Variants in HIVEP2 observed in about 807,000 individuals in gnomAD.
HIVEP2 encodes the protein HIVEP zinc finger 2.
A neutral mutation model predicts 180.7 loss-of-function variants in HIVEP2; 14 were observed. The observed-to-expected ratio is 0.08, with a 90% CI of 0.05 to 0.12. HIVEP2 has a LOEUF of 0.12. Among genes scored for constraint, HIVEP2 ranks in the 10% least tolerant of loss-of-function variants. HIVEP2 has a pLI of 1.00. For synonymous variants in HIVEP2, 1,184 were observed against 1,136.4 expected, an observed-to-expected ratio of 1.04 and a Z score of -0.84; for missense variants, 2,579 against 3,008.5, an observed-to-expected ratio of 0.86 and a Z score of 3.34.
intron 2 of HIVEP2, among the ~76,000 whole-genome samples, chr6:142,793,675 C>CTA (rs60365543): frequency 8.1e-6 from 1 of 122,828 alleles, no homozygotes; most frequent in Non-Finnish European, 1.7e-5. Context: ...TTCTTTCTTT[C>CTA]TCTCTCTCTC....
At position 142,753,827 on chromosome 6, in the gene HIVEP2, A is replaced by G. The variant is rs369320686; in HGVS notation, c.6621T>C (p.Asn2207=). 1.2e-5 allele frequency: 19 copies of G among 1,614,020 alleles called. No homozygotes were observed. In the African/African-American group the frequency reaches 2.5e-4, roughly 22 times the overall value. ...GTGGAAGATGACTGAAGACATAGTC[A>G]TTAGGACCCTCAGGGAAAAGGCTGG... The part of the protein sequence containing the change: ...PGSSLFPEGP[N]DYVFSHLPLH... Residue 2207 remains asparagine (N), a synonymous_variant, in exon 10 of 10, where the codon AAT becomes AAC. Coordinates refer to ENST00000367603, the MANE Select transcript of HIVEP2 (RefSeq NM_006734.4).
At position 142,917,899 on chromosome 6, in the gene HIVEP2, T is replaced by C. The variant is rs903655996; in HGVS notation, c.-641+27200A>G. Among the ~76,000 whole-genome samples the C allele has an allele frequency of 2.0e-5, 3 of 152,086 alleles. No individual in the cohort carries two copies. In the East Asian group the frequency reaches 5.8e-4, roughly 29 times the overall value. On this transcript the variant is annotated intron_variant, in intron 1 of 9. Coordinates refer to ENST00000367603, the MANE Select transcript of HIVEP2 (RefSeq NM_006734.4). ...CAAGCAGTTCTCCTGCTTCAGCCTC[T>C]CGAGTAGCTGGGATTACAGGCATGC...
chr6:142,864,392 A>T (rs1465371360), intron 1 of HIVEP2, among the ~76,000 whole-genome samples: 1 of 152,222 alleles, frequency 6.6e-6, no homozygotes, highest in Non-Finnish European at 1.5e-5. Flanking sequence ...CTTATCACTC[A>T]GAATGAAGTT....
chr6:142,837,777 TAACTA>T (rs1203842428), intron 1 of HIVEP2, among the ~76,000 whole-genome samples: 6 of 152,036 alleles, frequency 3.9e-5, no homozygotes, highest in African/African-American at 7.2e-5. Flanking sequence ...AGCATTAACT[TAACTA>T]GAGAGAGAGC....
intron 1 of HIVEP2, among the ~76,000 whole-genome samples, chr6:142,877,891 G>A (rs1212412637): frequency 6.6e-6 from 1 of 152,156 alleles, no homozygotes; most frequent in African/African-American, 2.4e-5. Flanking sequence ...TTAGAAAGAT[G>A]TATTGCTTGA....
Position 142,770,673 on chromosome 6 carries a change from T to A in HIVEP2, c.4066A>T (p.Ile1356Leu). 6.2e-7 allele frequency: 1 copy of A among 1,614,208 alleles called. No homozygotes were observed. The highest frequency in any genetic ancestry group is 8.5e-7 in the Non-Finnish European group (1 of 1,180,040). Reference protein sequence around the residue: ...GSVMYTSISQILGQNSPAIVI... With the variant: ...GSVMYTSISQLLGQNSPAIVI... ...ATGGCAGGGCTATTCTGCCCAAGTA[T>A]CTGAGAAATGCTTGTGTACATGACA... The change falls in exon 5 of 10, where the codon ATA (isoleucine) becomes TTA (leucine). Residue 1356 changes from isoleucine (I) to leucine (L), a missense_variant. Physicochemically the swap from Ile to Leu is conservative, Grantham distance 5. Coordinates refer to ENST00000367603, the MANE Select transcript of HIVEP2 (RefSeq NM_006734.4). This position sits in a 1 kb window ranked among gnomAD's most constrained non-coding sequence, Gnocchi z 4.7.
rs1218656187 is a variant in HIVEP2, at chr6:142,919,919, G to C, written c.-641+25180C>G. On this transcript the variant is annotated intron_variant, in intron 1 of 9. Transcript: ENST00000367603. ...ATTAGTCCTCAAAGGAGGCAGAAAT[G>C]TTAACCTATTCAAAGGATGTAACAA... Among the ~76,000 whole-genome samples the C allele has an allele frequency of 3.3e-5, 5 of 152,336 alleles. No individual in the cohort carries two copies. In the East Asian group the frequency reaches 5.8e-4, roughly 18 times the overall value.
intron 1 of HIVEP2, among the ~76,000 whole-genome samples, chr6:142,841,745 G>A (rs1775370505): frequency 6.6e-6 from 1 of 151,920 alleles, no homozygotes; most frequent in South Asian, 2.1e-4. Context: ...TAAAAAAATT[G>A]CATATTATTA....
chr6:142,812,129 C>T (rs540611338), intron 2 of HIVEP2, among the ~76,000 whole-genome samples: 4 of 152,142 alleles, frequency 2.6e-5, no homozygotes, highest in African/African-American at 4.8e-5. Context: ...TCCAGGGAGC[C>T]GAAGATGGTT....
intron 1 of HIVEP2, among the ~76,000 whole-genome samples, chr6:142,863,230 T>C (rs1776051775): frequency 6.6e-6 from 1 of 151,060 alleles, no homozygotes; most frequent in Non-Finnish European, 1.5e-5. Context: ...CACCACAAAA[T>C]TTAATATAAA....
chr6:142,844,165 G>GT (rs925044395), intron 1 of HIVEP2, among the ~76,000 whole-genome samples: 18 of 151,610 alleles, frequency 1.2e-4, no homozygotes, highest in Admixed American at 5.9e-4. Flanking sequence ...TACCTTATGT[G>GT]TTTTTTTTAA....
At chr6:142,789,246 T>C (rs558328969) in intron 2 of HIVEP2, among the ~76,000 whole-genome samples, 1 of 152,364 alleles carries the variant, frequency 6.6e-6, no homozygotes, top group African/African-American at 2.4e-5. Flanking sequence ...AATCTTCCTT[T>C]GATGGTTCAG....
Position 142,770,193 on chromosome 6 carries a change from A to C in HIVEP2, c.4546T>G (p.Ser1516Ala). 6.2e-7 allele frequency: 1 copy of C among 1,614,196 alleles called. No homozygotes were observed. The highest frequency in any genetic ancestry group is 8.5e-7 in the Non-Finnish European group (1 of 1,180,040). ...DGLQSGSSSF[S>A]SLSPSSSQDY... ...TGAGATGAGGAGGGCGACAGCGAGG[A>C]GAAGGAAGATGACCCTGACTGCAAG... The change falls in exon 5 of 10, where the codon TCC becomes GCC. Residue 1516 changes from serine (S) to alanine (A), a missense_variant. By Grantham distance (99) the Ser-to-Ala change is moderately conservative. Coordinates refer to ENST00000367603, the MANE Select transcript of HIVEP2 (RefSeq NM_006734.4). This position sits in a 1 kb window ranked among gnomAD's most constrained non-coding sequence, Gnocchi z 4.7.
In HIVEP2 at chr6:142,753,970, T is replaced by C. The variant is rs1383774794; in HGVS notation, c.6517-39A>G. 8 of 1,087,224 alleles carry C rather than the reference T, an allele frequency of 7.4e-6. No homozygotes were observed. The Admixed American group carries it at 8.4e-5, about 11-fold the overall frequency. 67.3% of individuals were successfully genotyped at this position (1,087,224 alleles called of 1,614,324 possible). On this transcript the variant is annotated intron_variant, in intron 9 of 9. Coordinates refer to ENST00000367603, the MANE Select transcript of HIVEP2 (RefSeq NM_006734.4). ...CAAAGAGAGCACAAAATTCAGAGCC[T>C]GCTACGCTTCATTCTTAGGTCAAGC...
At chr6:142,799,233 T>C (rs1776350966) in intron 2 of HIVEP2, among the ~76,000 whole-genome samples, 1 of 152,198 alleles carries the variant, frequency 6.6e-6, no homozygotes, top group African/African-American at 2.4e-5. Flanking sequence ...AGAATATAAA[T>C]GCCAAAATTC....
chr6:142,897,624 C>T (rs1562283343), intron 1 of HIVEP2, among the ~76,000 whole-genome samples: 2 of 152,072 alleles, frequency 1.3e-5, no homozygotes, highest in African/African-American at 2.4e-5. Context: ...ATTCCATATA[C>T]ATAAAGGACA....
At position 142,751,722 on chromosome 6, in the gene HIVEP2, C is replaced by G. The variant is rs983197933; in HGVS notation, c.*1385G>C. The G allele has an allele frequency of 6.5e-6, 1 of 152,702 alleles. No individual in the cohort carries two copies. The highest frequency in any genetic ancestry group is 2.4e-5 in the African/African-American group (1 of 41,456). The allele number at this position is 152,702 out of a possible 1,614,324, so 9.5% of individuals were successfully genotyped here. A position where few individuals can be genotyped will look rare whatever the true frequency, so the allele number is the denominator to read the frequency against. ...AAGCCATTGTGAGTATTACATACAACAGACATCCTCCCACGAGTTCTTTGC... is the reference window on the plus strand; with the variant it reads ...AAGCCATTGTGAGTATTACATACAAGAGACATCCTCCCACGAGTTCTTTGC... On this transcript the variant is annotated 3_prime_UTR_variant, in exon 10 of 10. Transcript: ENST00000367603.
At chr6:142,785,309 C>CAAAAAAAAAAAAAAAAA (rs57458259) in intron 2 of HIVEP2, among the ~76,000 whole-genome samples, 8 of 65,394 alleles carry the variant, frequency 1.2e-4, no homozygotes, top group African/African-American at 2.4e-4. Context: ...TGGCATTCCT[C>CAAAAAAAAAAAAAAAAA]AAAAAAAAAA....
intron 6 of HIVEP2, among the ~76,000 whole-genome samples, chr6:142,765,717 G>T (rs912863819): frequency 6.6e-6 from 1 of 152,180 alleles, no homozygotes; most frequent in Non-Finnish European, 1.5e-5. Context: ...TGTTTGAAAG[G>T]ATATCTGAGG....
Sources: allele counts gnomAD v4.1 joint callset (sites outside exome capture counted in the v4.1 genomes callset), GRCh38; gene constraint gnomAD v4.1.1; non-coding constraint Gnocchi (gnomAD v3.1); transcripts MANE v1.5; gene names NCBI Gene and HGNC (gene_info 2026-07-23, HGNC 2026-07-21).